Variants in ELK3 observed in about 807,000 individuals in gnomAD.
The protein encoded by ELK3 is ETS transcription factor ELK3.
Under a neutral mutation model 28.9 loss-of-function variants are expected in ELK3, and 10 were observed. That is an observed-to-expected ratio of 0.35 (90% confidence interval 0.21 to 0.59). The LOEUF is 0.59. Ranked by LOEUF, ELK3 falls within the 20% of genes least tolerant of loss-of-function variation. ELK3 has a pLI of 0.82. For missense variants in ELK3, 463 were observed against 517.3 expected (o/e 0.90, Z 1.02); for synonymous variants, 272 against 243.5 (o/e 1.12, Z -1.09).
chr12:96,196,733 T>G (rs1283563276), intron 1 of ELK3, among the ~76,000 whole-genome samples: 1 of 142,304 alleles, frequency 7.0e-6, no homozygotes, highest in African/African-American at 2.6e-5. Flanking sequence ...AAAGGCCTTC[T>G]GCCCTCTAAA....
chr12:96,228,172 C>T (rs1169601131), intron 2 of ELK3, among the ~76,000 whole-genome samples: 1 of 151,960 alleles, frequency 6.6e-6, no homozygotes, highest in Non-Finnish European at 1.5e-5. Context: ...GTAATCCCAG[C>T]ACTTTGGGAG....
chr12:96,255,953 G>A (rs971969030), intron 3 of ELK3, among the ~76,000 whole-genome samples: 1 of 152,190 alleles, frequency 6.6e-6, no homozygotes, highest in Non-Finnish European at 1.5e-5. Flanking sequence ...AAAAATGAGA[G>A]CTTAGTCCTC....
In ELK3 at chr12:96,259,728, C is replaced by T. The variant is rs1330197624; in HGVS notation, c.1003-3C>T. 2 of 1,605,990 alleles carry T rather than the reference C, an allele frequency of 1.2e-6. No individual in the cohort carries two copies. The highest frequency in any genetic ancestry group is 1.7e-6 in the Non-Finnish European group (2 of 1,176,146). On this transcript the variant is annotated splice_region_variant and splice_polypyrimidine_tract_variant and intron_variant, in intron 3 of 4. Transcript: ENST00000228741. ...GAAGAAGTCTGTTTGCTTTACTTCCCAGACACCAAATGGATTGCTTCTGAC... is the reference window on the plus strand; with the variant it reads ...GAAGAAGTCTGTTTGCTTTACTTCCTAGACACCAAATGGATTGCTTCTGAC...
chr12:96,249,469 A>T (rs543734115), intron 3 of ELK3, among the ~76,000 whole-genome samples: 62 of 152,290 alleles, frequency 4.1e-4, no homozygotes, highest in African/African-American at 1.5e-3. Flanking sequence ...CAGTTAAGCA[A>T]GGCTGTCCAG....
At chr12:96,253,948 CAT>C (rs1446850221) in intron 3 of ELK3, among the ~76,000 whole-genome samples, 2 of 152,226 alleles carry the variant, frequency 1.3e-5, no homozygotes, top group Non-Finnish European at 2.9e-5. Flanking sequence ...CAATATATAA[CAT>C]AGGGTTATAA....
intron 2 of ELK3, among the ~76,000 whole-genome samples, chr12:96,244,572 C>A (rs1951843636): frequency 1.3e-5 from 2 of 149,290 alleles, no homozygotes; most frequent in Admixed American, 6.8e-5. Flanking sequence ...AGAAGTTTGT[C>A]TTTTGTGTAA....
At chr12:96,233,345 C>T (rs895447364) in intron 2 of ELK3, among the ~76,000 whole-genome samples, 3 of 152,264 alleles carry the variant, frequency 2.0e-5, no homozygotes, top group African/African-American at 4.8e-5. Flanking sequence ...CATTCAACCC[C>T]GGGGGAGGCT....
rs151090359 is a variant in ELK3, at chr12:96,237,789, T to C, written c.208-9151T>C. 2.6e-5 allele frequency among the ~76,000 whole-genome samples: 4 copies of C among 152,292 alleles called. No homozygotes were observed. In the East Asian group the frequency reaches 7.7e-4, roughly 29 times the overall value. On this transcript the variant is annotated intron_variant, in intron 2 of 4. Transcript: ENST00000228741. ...CCTGGGCAATGCCAGCAAGACCCCA[T>C]CTCTAAAAAACAAAAACAATGTTTG...
chr12:96,226,923 C>T (rs868031066), intron 2 of ELK3, among the ~76,000 whole-genome samples: 12 of 152,160 alleles, frequency 7.9e-5, no homozygotes, highest in Admixed American at 2.0e-4. Flanking sequence ...AAAGAGATGA[C>T]GAAAACTACA....
intron 3 of ELK3, among the ~76,000 whole-genome samples, chr12:96,248,485 C>T (rs922459090): frequency 1.3e-5 from 2 of 152,162 alleles, no homozygotes; most frequent in Non-Finnish European, 2.9e-5. Context: ...AAATTGGATG[C>T]AATTTTAGTG....
intron 1 of ELK3, among the ~76,000 whole-genome samples, chr12:96,210,665 G>A (rs1425895585): frequency 6.6e-6 from 1 of 151,818 alleles, no homozygotes; most frequent in Non-Finnish European, 1.5e-5. Context: ...CACTTGTATC[G>A]AGAACCACCC....
intron 3 of ELK3, among the ~76,000 whole-genome samples, chr12:96,248,742 G>A (rs766938968): frequency 1.3e-5 from 2 of 152,132 alleles, no homozygotes; most frequent in African/African-American, 2.4e-5. Context: ...CAGCAGCCGC[G>A]GCAGCATATG....
At chr12:96,239,881 T>G (rs1484487318) in intron 2 of ELK3, among the ~76,000 whole-genome samples, 1 of 152,234 alleles carries the variant, frequency 6.6e-6, no homozygotes, top group Non-Finnish European at 1.5e-5. Context: ...CTGGTTAGTG[T>G]CTGCACCACC....
intron 2 of ELK3, among the ~76,000 whole-genome samples, chr12:96,238,490 C>T (rs555520515): frequency 1.4e-4 from 22 of 152,332 alleles, no homozygotes; most frequent in East Asian, 7.7e-4. Context: ...CTGCTGGGCA[C>T]GGGCCTGGAG....
At chr12:96,249,622 G>A (rs1474457411) in intron 3 of ELK3, among the ~76,000 whole-genome samples, 1 of 120,412 alleles carries the variant, frequency 8.3e-6, no homozygotes, top group Non-Finnish European at 1.8e-5. Flanking sequence ...GTCAGGGTGA[G>A]AAAGGTCCGA....
chr12:96,236,770 C>T (rs549190233), intron 2 of ELK3, among the ~76,000 whole-genome samples: 1 of 152,176 alleles, frequency 6.6e-6, no homozygotes, highest in South Asian at 2.1e-4. Context: ...GTATTAGTTT[C>T]CCAGGGCTGC....
intron 4 of ELK3, among the ~76,000 whole-genome samples, chr12:96,263,510 A>C (rs968037411): frequency 6.6e-6 from 1 of 152,242 alleles, no homozygotes; most frequent in African/African-American, 2.4e-5. Flanking sequence ...TGTGTGCTGT[A>C]ATTTTTAGTT....
chr12:96,239,808 A>G (rs538858509), intron 2 of ELK3, among the ~76,000 whole-genome samples: 2 of 152,186 alleles, frequency 1.3e-5, no homozygotes, highest in Non-Finnish European at 2.9e-5. Flanking sequence ...TCTCCCTCCC[A>G]GTCTGGGCAG....
chr12:96,253,272 T>C (rs1008416232), intron 3 of ELK3, among the ~76,000 whole-genome samples: 4 of 152,064 alleles, frequency 2.6e-5, no homozygotes, highest in Non-Finnish European at 4.4e-5. Context: ...ACCAAAAAAA[T>C]AAATAAATAA....
Sources: allele counts gnomAD v4.1 joint callset (sites outside exome capture counted in the v4.1 genomes callset), GRCh38; gene constraint gnomAD v4.1.1; transcripts MANE v1.5; gene names NCBI Gene and HGNC (gene_info 2026-07-23, HGNC 2026-07-21).